The following PARD3 variants were observed in gnomAD, a reference collection of about 807,000 sequenced individuals.
PARD3 encodes partitioning defective 3 homolog.
In PARD3, 75 loss-of-function variants were observed where a neutral mutation model predicts 155.4. That is an observed-to-expected ratio of 0.48 (90% CI 0.40 to 0.58). The LOEUF (loss-of-function observed/expected upper bound fraction) is 0.58, where lower values mean the gene tolerates loss of function less well. Among genes scored for constraint, PARD3 ranks in the 20% least tolerant of loss-of-function variants. The probability of loss-of-function intolerance (pLI) is 0.00; values close to 1 mark genes in which losing one functional copy is unlikely to be tolerated. For synonymous variants in PARD3, 576 were observed against 610.5 expected, an observed-to-expected ratio of 0.94 and a Z score of 0.83; for missense variants, 1,642 against 1,721.7, an observed-to-expected ratio of 0.95 and a Z score of 0.82.
intron 2 of PARD3, among the ~76,000 whole-genome samples, chr10:34,622,768 T>C (rs2091755627): frequency 6.6e-6 from 1 of 151,640 alleles, no homozygotes; most frequent in Admixed American, 6.6e-5. Context: ...GTAATAGAGG[T>C]GTCTACAGGA....
intron 22 of PARD3, among the ~76,000 whole-genome samples, chr10:34,196,108 T>C (rs779528614): frequency 3.9e-5 from 6 of 152,254 alleles, no homozygotes; most frequent in Non-Finnish European, 8.8e-5. Flanking sequence ...GCTCTCATCA[T>C]GACTCTTCCT....
At chr10:34,349,870 T>G (rs1837853044) in intron 14 of PARD3, among the ~76,000 whole-genome samples, 1 of 152,004 alleles carries the variant, frequency 6.6e-6, no homozygotes, top group South Asian at 2.1e-4. Flanking sequence ...TCCCTAAATA[T>G]CCCAAAAGGC....
chr10:34,813,263 C>T (rs1243363248), intron 1 of PARD3, among the ~76,000 whole-genome samples: 1 of 152,174 alleles, frequency 6.6e-6, no homozygotes, highest in Non-Finnish European at 1.5e-5. Flanking sequence ...CCACCCTCTT[C>T]CTATTCAGGA....
At chr10:34,591,749 A>C (rs967064169) in intron 2 of PARD3, among the ~76,000 whole-genome samples, 1 of 152,190 alleles carries the variant, frequency 6.6e-6, no homozygotes, top group African/African-American at 2.4e-5. Context: ...CCGTATGACC[A>C]TTGTGTTGGT....
intron 22 of PARD3, among the ~76,000 whole-genome samples, chr10:34,269,414 T>C (rs1955503243): frequency 6.6e-6 from 1 of 152,198 alleles, no homozygotes; most frequent in Admixed American, 6.5e-5. Context: ...TTCTCAGGTA[T>C]AAAACCATCT....
At chr10:34,431,533 G>C (rs1017110977) in intron 5 of PARD3, among the ~76,000 whole-genome samples, 2 of 151,344 alleles carry the variant, frequency 1.3e-5, no homozygotes, top group Non-Finnish European at 2.9e-5. Flanking sequence ...CTGATGTCAG[G>C]AGTTCAAGAC....
intron 2 of PARD3, among the ~76,000 whole-genome samples, chr10:34,573,474 G>C (rs187636644): frequency 4.6e-5 from 7 of 152,154 alleles, no homozygotes; most frequent in Non-Finnish European, 8.8e-5. Flanking sequence ...GGCCAAGGTG[G>C]GTGGATTGCC....
intron 2 of PARD3, among the ~76,000 whole-genome samples, chr10:34,673,886 G>C (rs560294442): frequency 6.6e-6 from 1 of 151,812 alleles, no homozygotes; most frequent in Admixed American, 6.6e-5. Flanking sequence ...AGCTATGTGG[G>C]AGGCTGAAGA....
At chr10:34,301,927 C>G (rs1430680707) in intron 20 of PARD3, among the ~76,000 whole-genome samples, 1 of 150,996 alleles carries the variant, frequency 6.6e-6, no homozygotes, top group East Asian at 2.0e-4. Context: ...CCATCACTGG[C>G]CACAATTTTT....
At chr10:34,789,714 C>T (rs1051684107) in intron 1 of PARD3, among the ~76,000 whole-genome samples, 2 of 150,368 alleles carry the variant, frequency 1.3e-5, no homozygotes, top group Non-Finnish European at 2.9e-5. Flanking sequence ...CACCCGCCCC[C>T]CCAAAAAAAT....
At chr10:34,334,472 A>G (rs950297311) in intron 18 of PARD3, among the ~76,000 whole-genome samples, 2 of 151,780 alleles carry the variant, frequency 1.3e-5, no homozygotes, top group African/African-American at 4.8e-5. Context: ...AAATGCCACT[A>G]TGATTCTCCC....
intron 20 of PARD3, chr10:34,312,273 T>C: frequency 1.9e-6 from 3 of 1,605,466 alleles, no homozygotes; most frequent in African/African-American, 2.7e-5. Context: ...TCATTAAAAG[T>C]AAATTTATTG....
chr10:34,812,027 G>T (rs930842183), intron 1 of PARD3, among the ~76,000 whole-genome samples: 1 of 152,188 alleles, frequency 6.6e-6, no homozygotes, highest in Non-Finnish European at 1.5e-5. Flanking sequence ...GAGGAAAAAA[G>T]AAATGTCACA....
chr10:34,814,832 TCCCCGCC>T, intron 1 of PARD3, 37 bp downstream of exon 1: 152 of 1,202,104 alleles, frequency 1.3e-4, no homozygotes, highest in Non-Finnish European at 1.6e-4. Context: ...CCCGGCGCCG[TCCCCGCC>T]GCCGCCCCCT....
intron 22 of PARD3, among the ~76,000 whole-genome samples, chr10:34,151,325 T>A (rs1212340846): frequency 1.3e-5 from 2 of 152,170 alleles, no homozygotes; most frequent in African/African-American, 4.8e-5. Flanking sequence ...CTTTTTGAAT[T>A]TTTGAGAGAA....
At chr10:34,530,308 C>T (rs1250296287) in intron 2 of PARD3, among the ~76,000 whole-genome samples, 1 of 152,050 alleles carries the variant, frequency 6.6e-6, no homozygotes, top group Non-Finnish European at 1.5e-5. Context: ...GATTTAATTA[C>T]AGTACACATA....
intron 2 of PARD3, among the ~76,000 whole-genome samples, chr10:34,627,151 C>T (rs1237163787): frequency 1.3e-5 from 2 of 152,052 alleles, no homozygotes; most frequent in Non-Finnish European, 2.9e-5. Flanking sequence ...CCTTAGCCTC[C>T]CAAGTAGCTG....
rs774389489 is a variant in PARD3 at position 34,413,140 on chromosome 10, T to TACACAC, written c.715-11224_715-11223insGTGTGT. Among the ~76,000 whole-genome samples the TACACAC allele has an allele frequency of 7.9e-3, 901 of 113,824 alleles. 7 individuals are homozygous for TACACAC. Among genetic ancestry groups the TACACAC allele is most frequent in the South Asian group, 0.023 (78 of 3,430 alleles). 74.7% of individuals were successfully genotyped at this position (113,824 alleles called of 152,430 possible). On this transcript the variant is annotated intron_variant, in intron 5 of 24. Coordinates refer to ENST00000374788, the MANE Select transcript of PARD3 (RefSeq NM_001184785.2). The stretch of plus-strand genomic sequence containing the variant: ...AAAACATTAGGCAGTACTTCAGATA[T>TACACAC]ATATACACACACACACACACACACA...
chr10:34,399,190 G>A (rs1843644591), intron 7 of PARD3, 140 bp downstream of exon 7: 4 of 651,402 alleles, frequency 6.1e-6, no homozygotes, highest in South Asian at 3.6e-5. Flanking sequence ...CATATATATA[G>A]GAATGAAGGA....
Sources: allele counts gnomAD v4.1 joint callset (sites outside exome capture counted in the v4.1 genomes callset), GRCh38; gene constraint gnomAD v4.1.1; transcripts MANE v1.5; gene names NCBI Gene and HGNC (gene_info 2026-07-23, HGNC 2026-07-21).